RNF157: variants seen among roughly 807,000 people sequenced by gnomAD.
The protein encoded by RNF157 is ring finger protein 157, also known as E3 ubiquitin ligase RNF157.
A neutral mutation model predicts 88.3 loss-of-function variants in RNF157; 55 were observed. The ratio of observed to expected loss-of-function variants is 0.62; its 90% CI spans 0.50 to 0.78. The LOEUF (loss-of-function observed/expected upper bound fraction) is 0.78. Among genes scored for constraint, RNF157 ranks in the 30% least tolerant of loss-of-function variants. RNF157 has a pLI of 0.00. For synonymous variants in RNF157, 334 were observed against 341.2 expected (o/e 0.98, Z 0.23); for missense variants, 788 against 860.8 (o/e 0.92, Z 1.06).
intron 3 of RNF157, 55 bp downstream of exon 3, chr17:76,173,647 C>T (rs2069055011): frequency 7.2e-7 from 1 of 1,382,466 alleles, no homozygotes; most frequent in Non-Finnish European, 1.0e-6. Flanking sequence ...CCCCCAGCCC[C>T]CAGCCTCCCC....
chr17:76,235,199 CTTTTTTTT>C (rs537829366), intron 1 of RNF157, among the ~76,000 whole-genome samples: 4 of 141,310 alleles, frequency 2.8e-5, no homozygotes, highest in African/African-American at 1.0e-4. Flanking sequence ...TAGTAGGTTA[CTTTTTTTT>C]TTTTTTTTGA....
intron 1 of RNF157, among the ~76,000 whole-genome samples, chr17:76,217,005 CA>C (rs1207067425): frequency 1.3e-5 from 2 of 152,126 alleles, no homozygotes; most frequent in Non-Finnish European, 2.9e-5. Flanking sequence ...ACAAAGTTGG[CA>C]AAATTGTTCT....
At chr17:76,190,710 G>A (rs1345173949) in intron 2 of RNF157, among the ~76,000 whole-genome samples, 1 of 151,274 alleles carries the variant, frequency 6.6e-6, no homozygotes, top group Non-Finnish European at 1.5e-5. Context: ...ACGAGGTCAG[G>A]AGATCGAGAC....
At chr17:76,174,148 C>G (rs141557056) in intron 2 of RNF157, among the ~76,000 whole-genome samples, 2,179 of 152,174 alleles carry the variant, frequency 0.014, 35 homozygotes, top group Middle Eastern at 0.027. Flanking sequence ...AAAGGCTTTT[C>G]CATCTGACCT....
At position 76,212,201 on chromosome 17, in the gene RNF157, G is replaced by C. The variant is rs991854173; in HGVS notation, c.207+163C>G. 3 of 581,350 alleles carry C rather than the reference G, an allele frequency of 5.2e-6. No homozygotes were observed. The African/African-American group carries it at 5.6e-5, about 11-fold the overall frequency. 36.0% of individuals were successfully genotyped at this position (581,350 alleles called of 1,614,324 possible). ...CTCTTCCAGTCCTCTAGCAACAAGA[G>C]ATCCCATACAACCAAGGAGGCTGCA... On this transcript the variant is annotated intron_variant, in intron 2 of 18. Transcript: ENST00000269391.
rs142235246 is a variant in RNF157 at position 76,156,724 on chromosome 17, G to A, written c.1414-403C>T. 6.0e-3 allele frequency among the ~76,000 whole-genome samples: 914 copies of A among 152,272 alleles called. 13 individuals carry two copies. The highest frequency in any genetic ancestry group is 0.02 in the African/African-American group (851 of 41,550). On this transcript the variant is annotated intron_variant, in intron 13 of 18. Transcript: ENST00000269391. ...CTTCCTGCCTGCAGGGTATCTCCACGTGGACCCCAGTTAATTCCTGCCCAG... is the reference window on the plus strand; with the variant it reads ...CTTCCTGCCTGCAGGGTATCTCCACATGGACCCCAGTTAATTCCTGCCCAG...
intron 1 of RNF157, among the ~76,000 whole-genome samples, chr17:76,218,499 G>T (rs1213262056): frequency 4.6e-5 from 7 of 152,082 alleles, no homozygotes. Flanking sequence ...TAAAAAGTTA[G>T]CCAGGCATGG....
At chr17:76,220,954 T>C (rs2069972717) in intron 1 of RNF157, among the ~76,000 whole-genome samples, 1 of 116,096 alleles carries the variant, frequency 8.6e-6, no homozygotes, top group Non-Finnish European at 1.8e-5. Context: ...TGAGATGCTG[T>C]CTCAAAAAAA....
intron 16 of RNF157, 96 bp downstream of exon 16, chr17:76,155,156 C>T: frequency 9.4e-7 from 1 of 1,060,758 alleles, no homozygotes; most frequent in Admixed American, 1.8e-5. Flanking sequence ...TTCGTCAGCG[C>T]AGCCTCCTGG....
chr17:76,148,656 C>T (rs938793117), intron 18 of RNF157, among the ~76,000 whole-genome samples: 5 of 151,270 alleles, frequency 3.3e-5, no homozygotes, highest in Admixed American at 1.3e-4. Context: ...CTGCAACCTC[C>T]GGTTCCCAGG....
At chr17:76,226,437 C>CA in intron 1 of RNF157, 1 of 1,599,198 alleles carries the variant, frequency 6.3e-7, no homozygotes, top group South Asian at 1.1e-5. Context: ...ACTAGGGGGG[C>CA]AAAGAGATTA....
chr17:76,207,652 T>A (rs2069704298), intron 2 of RNF157, among the ~76,000 whole-genome samples: 1 of 152,214 alleles, frequency 6.6e-6, no homozygotes, highest in African/African-American at 2.4e-5. Flanking sequence ...TCTTGCCGCA[T>A]GCTGCTGGAT....
intron 3 of RNF157, among the ~76,000 whole-genome samples, chr17:76,169,299 G>A (rs887807212): frequency 6.6e-6 from 1 of 151,876 alleles, no homozygotes; most frequent in African/African-American, 2.4e-5. Context: ...ATTTCTAAAA[G>A]CTATTTTTTT....
intron 2 of RNF157, among the ~76,000 whole-genome samples, chr17:76,203,181 G>T (rs1052443191): frequency 6.6e-6 from 1 of 152,040 alleles, no homozygotes; most frequent in African/African-American, 2.4e-5. Flanking sequence ...AGTAGAGACA[G>T]GGTTTCGCCA....
chr17:76,202,401 C>T (rs2144986172), intron 2 of RNF157, among the ~76,000 whole-genome samples: 1 of 152,334 alleles, frequency 6.6e-6, no homozygotes, highest in African/African-American at 2.4e-5. Context: ...CTCTAATCTG[C>T]ACTGCATTCA....
At chr17:76,213,113 C>T (rs571327729) in intron 1 of RNF157, among the ~76,000 whole-genome samples, 19 of 152,182 alleles carry the variant, frequency 1.2e-4, no homozygotes, top group Non-Finnish European at 2.1e-4. Flanking sequence ...CATTAATGAT[C>T]ATATATATTT....
chr17:76,210,370 G>A (rs1317023840), intron 2 of RNF157, among the ~76,000 whole-genome samples: 1 of 151,626 alleles, frequency 6.6e-6, no homozygotes, highest in Non-Finnish European at 1.5e-5. Flanking sequence ...AAGGTGGGCG[G>A]ATCACGAGGT....
chr17:76,196,200 C>G (rs951384877), intron 2 of RNF157, among the ~76,000 whole-genome samples: 1 of 152,186 alleles, frequency 6.6e-6, no homozygotes, highest in Non-Finnish European at 1.5e-5. Flanking sequence ...CTGAGCAAAG[C>G]CAAGGACCCT....
intron 1 of RNF157, among the ~76,000 whole-genome samples, chr17:76,229,960 C>T (rs2070159357): frequency 6.6e-6 from 1 of 152,184 alleles, no homozygotes; most frequent in Non-Finnish European, 1.5e-5. Flanking sequence ...GGTAACCATG[C>T]TTATGACTCC....
Sources: allele counts gnomAD v4.1 joint callset (sites outside exome capture counted in the v4.1 genomes callset), GRCh38; gene constraint gnomAD v4.1.1; transcripts MANE v1.5; gene names NCBI Gene and HGNC (gene_info 2026-07-23, HGNC 2026-07-21).